Variants in FRAS1 observed in about 807,000 individuals in gnomAD.
FRAS1 encodes Fraser extracellular matrix complex subunit 1.
FRAS1 carries 290 observed loss-of-function variants against 435.2 expected under a neutral mutation model. The ratio of observed to expected loss-of-function variants is 0.67; its 90% CI spans 0.61 to 0.73. FRAS1 has a LOEUF of 0.73. Among genes scored for constraint, FRAS1 ranks in the 30% least tolerant of loss-of-function variants. The pLI is 0.00. For synonymous variants in FRAS1, 1,800 were observed against 1,851.0 expected, an observed-to-expected ratio of 0.97 and a Z score of 0.71; for missense variants, 4,860 against 5,001.5, an observed-to-expected ratio of 0.97 and a Z score of 0.85.
rs886059652 is a variant in FRAS1 at position 78,542,469 on chromosome 4, C to T, written c.*1345C>T. 6.6e-6 allele frequency: 1 copy of T among 152,586 alleles called. No homozygotes were observed. The highest frequency in any genetic ancestry group is 2.4e-5 in the African/African-American group (1 of 41,436). The allele number at this position is 152,586 out of a possible 1,614,324, so 9.5% of individuals were successfully genotyped here. ...GAATTGGAGGCACAATTTCATTATT[C>T]GAGAGTAAAAGACATGTCCTCTTCT... On this transcript the variant is annotated 3_prime_UTR_variant, in exon 74 of 74. Coordinates refer to ENST00000512123, the MANE Select transcript of FRAS1 (RefSeq NM_025074.7).
intron 6 of FRAS1, among the ~76,000 whole-genome samples, chr4:78,264,212 T>C (rs900495786): frequency 6.6e-6 from 1 of 152,194 alleles, no homozygotes; most frequent in African/African-American, 2.4e-5. Flanking sequence ...TTGGCATTAA[T>C]GAAAATTAAA....
chr4:78,479,609 C>T lies in FRAS1; in HGVS notation c.8334C>T (p.Asp2778=), dbSNP rs1578348974. The change falls in exon 56 of 74, where the codon GAC becomes GAT. Residue 2778 remains aspartate (D), a synonymous_variant. Transcript: ENST00000512123. ...AGATTGCCTTGGCAGATGCCTCTGA[C>T]AATGCCCGCATTGGAAGGGTGGCGA... ...EFEIALADAS[D]NARIGRVATA... 1.9e-6 allele frequency: 3 copies of T among 1,613,962 alleles called. No homozygotes were observed. The highest frequency in any genetic ancestry group is 2.2e-5 in the East Asian group (1 of 44,870).
chr4:78,446,499 A>G, intron 42 of FRAS1: 2 of 1,328,502 alleles, frequency 1.5e-6, no homozygotes, highest in Non-Finnish European at 1.9e-6. Flanking sequence ...AAGATATCTG[A>G]GAAAACTTTT....
chr4:78,316,510 C>T (rs561054566), intron 16 of FRAS1, among the ~76,000 whole-genome samples: 24 of 152,224 alleles, frequency 1.6e-4, no homozygotes, highest in African/African-American at 2.4e-4. Flanking sequence ...CCTGCCCCCA[C>T]GTTCTCATCC....
rs557252805 is a variant in FRAS1, at chr4:78,249,312, A to G, written c.310-3080A>G. Among the ~76,000 whole-genome samples, 32 of 142,048 alleles carry G rather than the reference A, an allele frequency of 2.3e-4. No homozygotes were observed. The South Asian group carries it at 7.1e-3, about 32-fold the overall frequency. 93.2% of individuals were successfully genotyped at this position (142,048 alleles called of 152,430 possible). A position where few individuals can be genotyped will look rare whatever the true frequency, so the allele number is the denominator to read the frequency against. On this transcript the variant is annotated intron_variant, in intron 4 of 73. Transcript: ENST00000512123. ...ACTTTCTTCTGTGGCTTTGACATCA[A>G]GCAGTGGAGCCTTTTTTTTTTTTTT...
chr4:78,272,008 T>G (rs566112604), intron 9 of FRAS1, among the ~76,000 whole-genome samples: 2 of 152,390 alleles, frequency 1.3e-5, no homozygotes, highest in South Asian at 4.1e-4. Flanking sequence ...ATTGCCATTC[T>G]AACTGGTGTG....
At chr4:78,311,356 T>C (rs1338657868) in intron 15 of FRAS1, among the ~76,000 whole-genome samples, 1 of 152,216 alleles carries the variant, frequency 6.6e-6, no homozygotes, top group Non-Finnish European at 1.5e-5. Context: ...TTCCTTCTTT[T>C]CTCACTCAGC....
rs556709025 is a variant in FRAS1 at position 78,245,131 on chromosome 4, G to C, written c.217-102G>C. On this transcript the variant is annotated intron_variant, in intron 3 of 73. Transcript: ENST00000512123. ...CATCTGTTGTTGTCACCTCAGAAAC[G>C]CATGAGATTTAGTGAATGTAAGATG... 633 of 795,366 alleles carry C rather than the reference G, an allele frequency of 8.0e-4. 2 individuals are homozygous for C. The highest frequency in any genetic ancestry group is 6.3e-4 in the Non-Finnish European group (288 of 459,358). The allele number at this position is 795,366 out of a possible 1,614,324, so 49.3% of individuals were successfully genotyped here. A position where few individuals can be genotyped will look rare whatever the true frequency, so the allele number is the denominator to read the frequency against.
In FRAS1 at chr4:78,466,312, A is replaced by C. The variant is rs772861409; in HGVS notation, c.7134A>C (p.Lys2378Asn). The C allele has an allele frequency of 1.2e-6, 2 of 1,613,864 alleles. No homozygotes were observed. The highest frequency in any genetic ancestry group is 1.7e-6 in the Non-Finnish European group (2 of 1,179,788). ...HFHLTSTFTM[K>N]DIYQNRVSYS... ...ACCTCACCTCCACCTTCACCATGAA[A>C]GATATCTACCAGAACCGGGTCAGCT... The change falls in exon 50 of 74, where the codon AAA (lysine) becomes AAC (asparagine). Residue 2378 changes from lysine (K) to asparagine (N), a missense_variant. Transcript: ENST00000512123.
chr4:78,438,658 T>C lies in FRAS1; in HGVS notation c.5306T>C (p.Val1769Ala). The C allele has an allele frequency of 1.2e-6, 2 of 1,613,044 alleles. No homozygotes were observed. Among genetic ancestry groups the C allele is most frequent in the South Asian group, 2.2e-5 (2 of 90,916 alleles). The change falls in exon 39 of 74, where the codon GTG (valine) becomes GCG (alanine). Residue 1769 changes from valine to alanine, a missense_variant. By Grantham distance (64) the Val-to-Ala change is moderately conservative. Coordinates refer to ENST00000512123, the MANE Select transcript of FRAS1 (RefSeq NM_025074.7). ...CTCTTAAGAATCTCAGGATCTGAGG[T>C]GGAAGAGCTCTCAGAAGTTTCCAAT... ...GTLLRISGSE[V>A]EELSEVSNFT...
At chr4:78,221,536 A>G (rs949607554) in intron 2 of FRAS1, among the ~76,000 whole-genome samples, 10 of 152,216 alleles carry the variant, frequency 6.6e-5, no homozygotes, top group African/African-American at 2.2e-4. Context: ...GAAATAAACC[A>G]GTTGGTATGC....
At chr4:78,527,726 A>G (rs1721586200) in intron 70 of FRAS1, among the ~76,000 whole-genome samples, 1 of 152,184 alleles carries the variant, frequency 6.6e-6, no homozygotes, top group Non-Finnish European at 1.5e-5. Context: ...AGGGATAAAC[A>G]GTGCTTGAGG....
chr4:78,441,372 A>G (rs1734652540), intron 41 of FRAS1, 75 bp downstream of exon 41: 4 of 1,365,890 alleles, frequency 2.9e-6, no homozygotes, highest in Admixed American at 2.1e-5. Context: ...GCTTCCAGCT[A>G]AAGATGGAGA....
rs1279754077 is a variant in FRAS1, at chr4:78,539,275, CT to C, written c.11299-13del. 2.5e-6 allele frequency: 4 copies of C among 1,596,894 alleles called. No homozygotes were observed. The highest frequency in any genetic ancestry group is 3.4e-6 in the Non-Finnish European group (4 of 1,174,626). ...AACCATCTTTCTAAATCTTGCATTT[CT>C]TTTTTCTGAAATCCTAGGACCGCAA... On this transcript the variant is annotated intron_variant, in intron 72 of 73. Transcript: ENST00000512123.
At chr4:78,195,378 T>C (rs1722757698) in intron 2 of FRAS1, among the ~76,000 whole-genome samples, 1 of 152,238 alleles carries the variant, frequency 6.6e-6, no homozygotes, top group Non-Finnish European at 1.5e-5. Flanking sequence ...AGGTGGAGTC[T>C]GCAGAGGCAG....
At chr4:78,407,589 G>A in intron 30 of FRAS1, 74 bp from the exon 31 acceptor site, 1 of 1,207,138 alleles carries the variant, frequency 8.3e-7, no homozygotes, top group South Asian at 1.6e-5. Context: ...AAAAAAATGA[G>A]TAGTAGGAAA....
At chr4:78,445,220 A>G (rs1718763522) in intron 41 of FRAS1, among the ~76,000 whole-genome samples, 1 of 152,218 alleles carries the variant, frequency 6.6e-6, no homozygotes, top group South Asian at 2.1e-4. Context: ...GACTCCTAAT[A>G]AAACAACCAG....
At chr4:78,395,020 A>G (rs1016159811) in intron 29 of FRAS1, among the ~76,000 whole-genome samples, 1 of 151,948 alleles carries the variant, frequency 6.6e-6, no homozygotes, top group African/African-American at 2.4e-5. Context: ...TTGCTAGTAT[A>G]TGGAAACACA....
intron 59 of FRAS1, among the ~76,000 whole-genome samples, chr4:78,496,379 A>G (rs1421111859): frequency 6.6e-6 from 1 of 152,230 alleles, no homozygotes; most frequent in Non-Finnish European, 1.5e-5. Context: ...TTACAAAGGA[A>G]AAGAAGTGTT....
Sources: gnomAD v4.1 joint callset for allele counts (sites outside exome capture counted in the v4.1 genomes callset) on GRCh38, gnomAD v4.1.1 for gene constraint, MANE v1.5 for transcripts, NCBI Gene and HGNC (gene_info 2026-07-23, HGNC 2026-07-21) for gene names.